Variants in CUX1 observed in about 807,000 individuals in gnomAD.
CUX1 encodes the protein protein CASP.
CUX1 carries 31 observed loss-of-function variants against 158.8 expected under a neutral mutation model. The observed-to-expected ratio is 0.20, with a 90% CI of 0.15 to 0.26. CUX1 has a LOEUF of 0.26. Among genes scored for constraint, CUX1 ranks in the 10% least tolerant of loss-of-function variants. The pLI is 1.00. For missense variants in CUX1, 1,589 were observed against 2,014.6 expected (o/e 0.79, Z 4.04); for synonymous variants, 879 against 862.1 (o/e 1.02, Z -0.34).
chr7:102,217,637 A>AGGCT (rs1170872836), intron 20 of CUX1, among the ~76,000 whole-genome samples: 1 of 151,020 alleles, frequency 6.6e-6, no homozygotes, highest in African/African-American at 2.4e-5. Flanking sequence ...AGAGGGAGGG[A>AGGCT]GGCTCTGGAT....
intron 1 of CUX1, among the ~76,000 whole-genome samples, chr7:101,894,456 G>A (rs60961288): frequency 5.8e-4 from 88 of 152,200 alleles, no homozygotes; most frequent in African/African-American, 2.0e-3. Flanking sequence ...GATTACAGGC[G>A]CCCACCACCA....
intron 2 of CUX1, among the ~76,000 whole-genome samples, chr7:101,952,616 G>T (rs1297695293): frequency 2.0e-5 from 3 of 152,160 alleles, no homozygotes; most frequent in Non-Finnish European, 2.9e-5. Flanking sequence ...GGTGGACTTG[G>T]TACTGATGCC....
At chr7:101,991,932 A>G (rs182734434) in intron 2 of CUX1, among the ~76,000 whole-genome samples, 2 of 152,250 alleles carry the variant, frequency 1.3e-5, no homozygotes, top group African/African-American at 4.8e-5. Context: ...ATGGTGGCAC[A>G]TGCCTGGAGT....
chr7:102,161,459 G>A (rs1383640508), intron 9 of CUX1: 1 of 152,176 alleles, frequency 6.6e-6, no homozygotes, highest in African/African-American at 2.4e-5. Flanking sequence ...GGTGGTGAGG[G>A]GTAGAGGTGA....
intron 21 of CUX1, among the ~76,000 whole-genome samples, chr7:102,232,482 G>A (rs954712367): frequency 4.6e-5 from 7 of 152,088 alleles, no homozygotes; most frequent in Non-Finnish European, 7.4e-5. Context: ...GCCCTCTGTC[G>A]TCTCCCTGCC....
rs371888535 is a variant in CUX1, at chr7:102,239,316, G to A, written c.3623-4G>A. ...ACCTTAGTCTGCCATCTCTTCCTCCGCAGCCTACATGAAGCGGCGGCACAG... is the reference window on the plus strand; with the variant it reads ...ACCTTAGTCTGCCATCTCTTCCTCCACAGCCTACATGAAGCGGCGGCACAG... On this transcript the variant is annotated splice_polypyrimidine_tract_variant and splice_region_variant and intron_variant, in intron 22 of 23. Coordinates refer to ENST00000292535, the MANE Select transcript of CUX1 (RefSeq NM_181552.4). 6 of 1,596,476 alleles carry A rather than the reference G, an allele frequency of 3.8e-6. No homozygotes were observed. The African/African-American group carries it at 5.4e-5, about 14-fold the overall frequency.
intron 1 of CUX1, among the ~76,000 whole-genome samples, chr7:101,819,152 G>A (rs1792199318): frequency 6.6e-6 from 1 of 152,202 alleles, no homozygotes; most frequent in Non-Finnish European, 1.5e-5. Context: ...TTGTGGTATG[G>A]AAGTTTCAGT....
intron 16 of CUX1, chr7:102,274,408 C>T: frequency 2.7e-6 from 3 of 1,093,238 alleles, no homozygotes; most frequent in Non-Finnish European, 4.0e-6. Context: ...TAGTCCCTTC[C>T]TCTAAGAAGG....
intron 4 of CUX1, among the ~76,000 whole-genome samples, chr7:102,094,776 G>A (rs918126789): frequency 1.3e-5 from 2 of 152,076 alleles, no homozygotes; most frequent in African/African-American, 2.4e-5. Context: ...AGTTTAAATC[G>A]TGGTTCTGTA....
intron 2 of CUX1, among the ~76,000 whole-genome samples, chr7:101,931,480 G>A (rs1446945719): frequency 6.6e-6 from 1 of 152,172 alleles, no homozygotes; most frequent in Non-Finnish European, 1.5e-5. Context: ...TACGAAACAG[G>A]TACAGTGTTT....
rs548159631 is a variant in CUX1 at position 102,163,333 on chromosome 7, T to A, written c.723+4725T>A. 1.8e-4 allele frequency among the ~76,000 whole-genome samples: 26 copies of A among 147,050 alleles called. 1 individual carries two copies. The South Asian group carries it at 3.7e-3, about 21-fold the overall frequency. On this transcript the variant is annotated intron_variant, in intron 9 of 23. Coordinates refer to ENST00000292535, the MANE Select transcript of CUX1 (RefSeq NM_181552.4). ...AGACTTTTTTCTCTACAAAAAAGTTTAAAAAAAAAAAAATAGCCAGGTGTG... is the reference window on the plus strand; with the variant it reads ...AGACTTTTTTCTCTACAAAAAAGTTAAAAAAAAAAAAAATAGCCAGGTGTG...
chr7:101,994,926 CAAAAAAAA>C (rs796784920), intron 2 of CUX1, among the ~76,000 whole-genome samples: 38 of 47,654 alleles, frequency 8.0e-4, no homozygotes, highest in African/African-American at 2.8e-3. Flanking sequence ...CTCATCTCTA[CAAAAAAAA>C]AAAAAAAAAA....
chr7:101,839,287 T>TCTGA (rs1794957085), intron 1 of CUX1, among the ~76,000 whole-genome samples: 1 of 152,154 alleles, frequency 6.6e-6, no homozygotes, highest in Admixed American at 6.5e-5. Flanking sequence ...CTCGGTGGTA[T>TCTGA]CTGACCCCCC....
intron 1 of CUX1, among the ~76,000 whole-genome samples, chr7:101,859,575 T>C (rs2131345381): frequency 6.6e-6 from 1 of 152,312 alleles, no homozygotes; most frequent in Middle Eastern, 3.4e-3. Flanking sequence ...CTGTCAGGTA[T>C]TGGCGGGTTT....
intron 2 of CUX1, among the ~76,000 whole-genome samples, chr7:101,941,011 A>G (rs767176161): frequency 3.9e-5 from 6 of 152,170 alleles, no homozygotes; most frequent in African/African-American, 9.7e-5. Flanking sequence ...GTTTATTTGC[A>G]TACTGTAAAT....
rs1166337889 is a variant in CUX1 at position 102,249,133 on chromosome 7, G to A, written c.*91G>A. Reference sequence around the variant, plus strand: ...CAGGCGCTGCGGACACCGTGGCCTGGGCTTGGCCCGCGGCCTGCACCGACC... The same window carrying A: ...CAGGCGCTGCGGACACCGTGGCCTGAGCTTGGCCCGCGGCCTGCACCGACC... On this transcript the variant is annotated 3_prime_UTR_variant, in exon 24 of 24. Coordinates refer to ENST00000292535, the MANE Select transcript of CUX1 (RefSeq NM_181552.4). 1.0e-5 allele frequency: 12 copies of A among 1,169,634 alleles called. No individual in the cohort carries two copies. The highest frequency in any genetic ancestry group is 1.6e-5 in the African/African-American group (1 of 61,316). The allele number at this position is 1,169,634 out of a possible 1,614,324, so 72.5% of individuals were successfully genotyped here. A position where few individuals can be genotyped will look rare whatever the true frequency, so the allele number is the denominator to read the frequency against.
chr7:101,958,339 T>C (rs1283724917), intron 2 of CUX1, among the ~76,000 whole-genome samples: 1 of 149,016 alleles, frequency 6.7e-6, no homozygotes, highest in East Asian at 2.0e-4. Context: ...GGGCCCTACT[T>C]GGGAGCCAGG....
intron 20 of CUX1, among the ~76,000 whole-genome samples, chr7:102,216,839 ACATT>A (rs1554525050): frequency 6.8e-6 from 1 of 146,900 alleles, no homozygotes; most frequent in African/African-American, 2.5e-5. Flanking sequence ...ACACACACAC[ACATT>A]CTCTCTCCCT....
chr7:102,143,678 G>T (rs1834710831), intron 8 of CUX1, among the ~76,000 whole-genome samples: 1 of 152,136 alleles, frequency 6.6e-6, no homozygotes, highest in Admixed American at 6.6e-5. Flanking sequence ...TTTCCCCTTG[G>T]CAAGTGGGTA....
Sources: allele counts gnomAD v4.1 joint callset (sites outside exome capture counted in the v4.1 genomes callset), GRCh38; gene constraint gnomAD v4.1.1; transcripts MANE v1.5; gene names NCBI Gene and HGNC (gene_info 2026-07-23, HGNC 2026-07-21).